MAGI1: variants seen among roughly 807,000 people sequenced by gnomAD.
MAGI1 encodes the protein membrane associated guanylate kinase, WW and PDZ domain containing 1.
A neutral mutation model predicts 139.9 loss-of-function variants in MAGI1; 58 were observed. The observed-to-expected ratio is 0.41, with a 90% CI of 0.34 to 0.52. MAGI1 has a LOEUF of 0.52. Ranked by LOEUF, MAGI1 falls within the 20% of genes least tolerant of loss-of-function variation. The probability of loss-of-function intolerance (pLI) is 0.12; values close to 1 mark genes in which losing one functional copy is unlikely to be tolerated. For synonymous variants in MAGI1, 812 were observed against 737.9 expected, an observed-to-expected ratio of 1.10 and a Z score of -1.63; for missense variants, 1,874 against 1,901.6, an observed-to-expected ratio of 0.99 and a Z score of 0.27.
At chr3:65,872,247 G>A (rs1004945558) in intron 1 of MAGI1, among the ~76,000 whole-genome samples, 1 of 152,198 alleles carries the variant, frequency 6.6e-6, no homozygotes. Flanking sequence ...TAATATAGGT[G>A]CTTGTTAGAG....
intron 2 of MAGI1, among the ~76,000 whole-genome samples, chr3:65,562,756 T>G (rs183067178): frequency 1.3e-5 from 2 of 152,326 alleles, no homozygotes; most frequent in Admixed American, 1.3e-4. Context: ...AAAGCCCTTG[T>G]TCCAACACAA....
At chr3:65,472,002 G>A (rs1950584693) in intron 4 of MAGI1, among the ~76,000 whole-genome samples, 1 of 152,114 alleles carries the variant, frequency 6.6e-6, no homozygotes, top group South Asian at 2.1e-4. Context: ...TCTGATCTCT[G>A]ATTTCATACT....
intron 6 of MAGI1, among the ~76,000 whole-genome samples, chr3:65,449,844 T>C (rs1032178101): frequency 1.3e-5 from 2 of 152,064 alleles, no homozygotes; most frequent in African/African-American, 4.8e-5. Flanking sequence ...CAAATAAAAC[T>C]AAAATTAAAA....
intron 1 of MAGI1, among the ~76,000 whole-genome samples, chr3:65,659,652 C>A (rs1047145963): frequency 1.3e-5 from 2 of 152,138 alleles, no homozygotes; most frequent in Non-Finnish European, 2.9e-5. Flanking sequence ...TGAGTAAACC[C>A]GTACTCCCCT....
chr3:65,517,009 T>C (rs1052695215), intron 2 of MAGI1, among the ~76,000 whole-genome samples: 1 of 151,830 alleles, frequency 6.6e-6, no homozygotes, highest in African/African-American at 2.4e-5. Context: ...ATTACAGGCG[T>C]GAGCCACCGC....
At chr3:65,926,970 G>A (rs1204095388) in intron 1 of MAGI1, among the ~76,000 whole-genome samples, 1 of 152,158 alleles carries the variant, frequency 6.6e-6, no homozygotes, top group Admixed American at 6.5e-5. Context: ...ACACCAGCCT[G>A]GGCAACAAGA....
intron 1 of MAGI1, among the ~76,000 whole-genome samples, chr3:65,851,412 G>C (rs1163547062): frequency 6.6e-6 from 1 of 152,032 alleles, no homozygotes; most frequent in Non-Finnish European, 1.5e-5. Flanking sequence ...GATTTTGATG[G>C]GCACTGGTGA....
chr3:65,859,752 C>G lies in MAGI1; in HGVS notation c.313+178244G>C, dbSNP rs144035449. On this transcript the variant is annotated intron_variant, in intron 1 of 22. Coordinates refer to ENST00000402939, the MANE Select transcript of MAGI1 (RefSeq NM_001033057.2). ...ACAAAAAAAAAAAACTTTAAGGAAG[C>G]AGATAGATCCCCCAAACAGACCAGG... 8.1e-3 allele frequency among the ~76,000 whole-genome samples: 1,224 copies of G among 151,644 alleles called. 19 individuals are homozygous for G. The highest frequency in any genetic ancestry group is 0.028 in the African/African-American group (1,152 of 41,332).
intron 1 of MAGI1, among the ~76,000 whole-genome samples, chr3:65,642,981 A>C (rs775417611): frequency 3.3e-5 from 5 of 152,262 alleles, no homozygotes; most frequent in Non-Finnish European, 5.9e-5. Flanking sequence ...ACAAGCCCTA[A>C]CATAATATGC....
intron 1 of MAGI1, among the ~76,000 whole-genome samples, chr3:65,875,986 C>T (rs1195173817): frequency 6.6e-6 from 1 of 152,072 alleles, no homozygotes; most frequent in African/African-American, 2.4e-5. Context: ...GGAAACCAAG[C>T]ATTCGTTTTT....
At chr3:65,935,716 G>A (rs2063019584) in intron 1 of MAGI1, among the ~76,000 whole-genome samples, 1 of 152,250 alleles carries the variant, frequency 6.6e-6, no homozygotes, top group Admixed American at 6.5e-5. Flanking sequence ...AGGTGACACT[G>A]TGTGAGCTCT....
intron 1 of MAGI1, among the ~76,000 whole-genome samples, chr3:65,753,277 G>T (rs950858675): frequency 6.6e-6 from 1 of 152,134 alleles, no homozygotes; most frequent in Non-Finnish European, 1.5e-5. Context: ...GTCAGAATTT[G>T]TGGTATTATA....
intron 1 of MAGI1, among the ~76,000 whole-genome samples, chr3:65,851,173 C>G (rs2059189507): frequency 6.6e-6 from 1 of 152,100 alleles, no homozygotes; most frequent in Non-Finnish European, 1.5e-5. Flanking sequence ...TGCCTGGTAC[C>G]TAGAACTATG....
intron 1 of MAGI1, among the ~76,000 whole-genome samples, chr3:65,753,457 A>C (rs2036316580): frequency 6.6e-6 from 1 of 152,172 alleles, no homozygotes; most frequent in African/African-American, 2.4e-5. Flanking sequence ...GCAATCTGTC[A>C]CGCCTGTAAT....
chr3:65,414,855 TAA>T (rs57931361), intron 12 of MAGI1, among the ~76,000 whole-genome samples: 1,331 of 131,074 alleles, frequency 0.01, 19 homozygotes, highest in African/African-American at 0.033. Context: ...CCGTCTCTAC[TAA>T]AAAAAAAAAA....
intron 1 of MAGI1, among the ~76,000 whole-genome samples, chr3:65,822,518 ACT>A (rs2042003358): frequency 1.3e-5 from 2 of 152,268 alleles, no homozygotes; most frequent in African/African-American, 4.8e-5. Flanking sequence ...ACAGAGCGAG[ACT>A]CTGTCTCAAA....
At chr3:65,575,356 A>C (rs971464525) in intron 2 of MAGI1, among the ~76,000 whole-genome samples, 3 of 152,138 alleles carry the variant, frequency 2.0e-5, no homozygotes, top group Admixed American at 2.0e-4. Context: ...AGAAAGGTTA[A>C]AGTTAAAAAG....
intron 1 of MAGI1, among the ~76,000 whole-genome samples, chr3:65,872,453 G>A (rs939220101): frequency 6.6e-6 from 1 of 151,710 alleles, no homozygotes. Context: ...TCTCTTTCCT[G>A]TCCCTAACCT....
intron 12 of MAGI1, among the ~76,000 whole-genome samples, chr3:65,403,889 G>A (rs1266588016): frequency 6.6e-6 from 1 of 152,196 alleles, no homozygotes; most frequent in Non-Finnish European, 1.5e-5. Context: ...GGAAACAACT[G>A]GAAATTCTAA....
Sources: allele counts gnomAD v4.1 joint callset (sites outside exome capture counted in the v4.1 genomes callset), GRCh38; gene constraint gnomAD v4.1.1; transcripts MANE v1.5; gene names NCBI Gene and HGNC (gene_info 2026-07-23, HGNC 2026-07-21).